AKT3: variants seen among roughly 807,000 people sequenced by gnomAD.
The protein encoded by AKT3 is AKT serine/threonine kinase 3, also known as RAC-gamma serine/threonine-protein kinase.
AKT3 carries 15 observed loss-of-function variants against 65.3 expected under a neutral mutation model. The ratio of observed to expected loss-of-function variants is 0.23; its 90% CI spans 0.15 to 0.35. AKT3 has a LOEUF of 0.35. Among genes scored for constraint, AKT3 ranks in the 10% least tolerant of loss-of-function variants. The pLI is 1.00. For missense variants in AKT3, 243 were observed against 576.5 expected, an observed-to-expected ratio of 0.42 and a Z score of 5.92; for synonymous variants, 206 against 183.8, an observed-to-expected ratio of 1.12 and a Z score of -0.98.
intron 4 of AKT3, among the ~76,000 whole-genome samples, chr1:243,649,505 T>C (rs1033673037): frequency 2.6e-5 from 4 of 152,072 alleles, no homozygotes; most frequent in Admixed American, 6.6e-5. Context: ...GGCGGTTTGC[T>C]GTGCCCATCA....
At position 243,509,992 on chromosome 1, in the gene AKT3, T is replaced by C. The variant is rs551880518; in HGVS notation, c.1354+2332A>G. Among the ~76,000 whole-genome samples the C allele has an allele frequency of 5.4e-4, 83 of 152,340 alleles. 2 individuals are homozygous for C. The Middle Eastern group carries it at 0.014, about 25-fold the overall frequency. ...ATGTCCCAAATTGGGATTTCACTTTTAGCTTTCTTAAGTAAAATATCTACT... is the reference window on the plus strand; with the variant it reads ...ATGTCCCAAATTGGGATTTCACTTTCAGCTTTCTTAAGTAAAATATCTACT... On this transcript the variant is annotated intron_variant, in intron 13 of 13. Transcript: ENST00000673466.
Position 243,696,930 on chromosome 1 carries a change from A to C in AKT3, c.47-1214T>G, listed in dbSNP as rs1008962964. Among the ~76,000 whole-genome samples, 22 of 152,046 alleles carry C rather than the reference A, an allele frequency of 1.4e-4. No individual in the cohort carries two copies. The South Asian group carries it at 4.3e-3, about 30-fold the overall frequency. ...CTCCTTACTGCTTACTGTAAAGTCC[A>C]GTCTCTTACCATAAAATGTAATCCA... On this transcript the variant is annotated intron_variant, in intron 2 of 13. Transcript: ENST00000673466.
Position 243,506,162 on chromosome 1 carries a change from G to A in AKT3, c.1355-828C>T, listed in dbSNP as rs148242970. On this transcript the variant is annotated intron_variant, in intron 13 of 13. Transcript: ENST00000673466. ...CGCTCCCACGCATCTGCTCTGGGCT[G>A]AGCACCCGTCAGGCCCAAGGACCGC... Among the ~76,000 whole-genome samples, 269 of 152,360 alleles carry A rather than the reference G, an allele frequency of 1.8e-3. 6 individuals carry two copies. The highest frequency in any genetic ancestry group is 1.9e-3 in the East Asian group (10 of 5,182).
intron 5 of AKT3, among the ~76,000 whole-genome samples, chr1:243,638,602 G>T (rs577418404): frequency 6.6e-6 from 1 of 152,106 alleles, no homozygotes; most frequent in East Asian, 1.9e-4. Context: ...ATATTAATAG[G>T]TTTTTGAAGA....
intron 8 of AKT3, among the ~76,000 whole-genome samples, chr1:243,598,212 T>C (rs1349531303): frequency 6.6e-6 from 1 of 152,124 alleles, no homozygotes; most frequent in African/African-American, 2.4e-5. Flanking sequence ...TCTCAAAAAA[T>C]TATAAGAAAA....
At chr1:243,809,364 A>G (rs1692971293) in intron 2 of AKT3, among the ~76,000 whole-genome samples, 1 of 152,234 alleles carries the variant, frequency 6.6e-6, no homozygotes, top group African/African-American at 2.4e-5. Flanking sequence ...AAAACAAAAA[A>G]AAGGCAAGGG....
chr1:243,523,340 C>T (rs1670849962), intron 12 of AKT3, among the ~76,000 whole-genome samples: 1 of 150,958 alleles, frequency 6.6e-6, no homozygotes, highest in South Asian at 2.1e-4. Flanking sequence ...TCCAAGGCTC[C>T]CCTTGCAGGT....
intron 2 of AKT3, among the ~76,000 whole-genome samples, chr1:243,806,192 T>C (rs1042996824): frequency 6.6e-6 from 1 of 152,230 alleles, no homozygotes; most frequent in African/African-American, 2.4e-5. Flanking sequence ...TATAGAACCA[T>C]GGCACTAAGT....
At chr1:243,558,892 T>C (rs1013058378) in intron 10 of AKT3, among the ~76,000 whole-genome samples, 1 of 152,086 alleles carries the variant, frequency 6.6e-6, no homozygotes, top group African/African-American at 2.4e-5. Context: ...CTTAACACTT[T>C]TAATTTTGTT....
At chr1:243,581,075 T>A (rs1349532771) in intron 8 of AKT3, among the ~76,000 whole-genome samples, 4 of 152,176 alleles carry the variant, frequency 2.6e-5, no homozygotes, top group Non-Finnish European at 4.4e-5. Context: ...CCCCTATCCC[T>A]GTGCAGAGAA....
At chr1:243,646,744 T>G (rs1680849177) in intron 4 of AKT3, among the ~76,000 whole-genome samples, 1 of 152,158 alleles carries the variant, frequency 6.6e-6, no homozygotes, top group Non-Finnish European at 1.5e-5. Context: ...ATTGACATCC[T>G]GAAGATTTCT....
intron 3 of AKT3, among the ~76,000 whole-genome samples, chr1:243,685,719 C>T (rs1684242981): frequency 6.6e-6 from 1 of 152,084 alleles, no homozygotes; most frequent in Non-Finnish European, 1.5e-5. Flanking sequence ...CCTCTCTCAC[C>T]ACTCCTATTC....
intron 1 of AKT3, among the ~76,000 whole-genome samples, chr1:243,846,839 T>C (rs1403928041): frequency 6.6e-6 from 1 of 152,226 alleles, no homozygotes; most frequent in Non-Finnish European, 1.5e-5. Context: ...AAGGTATTTT[T>C]AGAATGCCAC....
In AKT3 at chr1:243,500,356, T is replaced by G; in HGVS notation, c.*4893A>C. ...GCACTATGCATTACTCTTTCCATTC[T>G]GTTAAACAACGAAAACAGACAAAAA... On this transcript the variant is annotated 3_prime_UTR_variant, in exon 14 of 14. Coordinates refer to ENST00000673466, the MANE Select transcript of AKT3 (RefSeq NM_005465.7). 4.4e-6 allele frequency: 1 copy of G among 225,396 alleles called. No individual in the cohort carries two copies. The allele number at this position is 225,396 out of a possible 1,614,324, so 14.0% of individuals were successfully genotyped here. A position where few individuals can be genotyped will look rare whatever the true frequency, so the allele number is the denominator to read the frequency against.
At chr1:243,730,079 C>A (rs996722867) in intron 2 of AKT3, among the ~76,000 whole-genome samples, 4 of 152,228 alleles carry the variant, frequency 2.6e-5, no homozygotes, top group African/African-American at 9.6e-5. Flanking sequence ...CTCCTTCTAG[C>A]TGGAATCCAC....
At chr1:243,850,390 T>G (rs1365169552), upstream of AKT3, among the ~76,000 whole-genome samples, 1 of 150,450 alleles carries the variant, frequency 6.6e-6, no homozygotes, top group Non-Finnish European at 1.5e-5. Context: ...GGGAATCGGA[T>G]ATCGGCTACA....
intron 12 of AKT3, among the ~76,000 whole-genome samples, chr1:243,524,437 T>C (rs578156239): frequency 2.0e-5 from 3 of 152,264 alleles, no homozygotes; most frequent in Non-Finnish European, 4.4e-5. Context: ...CTAAAAGGCA[T>C]TGTCAAAAGG....
chr1:243,500,965 T>C lies in AKT3; in HGVS notation c.*4284A>G. 1 of 227,906 alleles carries C rather than the reference T, an allele frequency of 4.4e-6. No individual in the cohort carries two copies. Among genetic ancestry groups the C allele is most frequent in the Non-Finnish European group, 8.7e-6 (1 of 114,772 alleles). 14.1% of individuals were successfully genotyped at this position (227,906 alleles called of 1,614,324 possible). On this transcript the variant is annotated 3_prime_UTR_variant, in exon 14 of 14. Transcript: ENST00000673466. ...TTTTAGATATACTGTGAATAAATTA[T>C]ACAATATTCTAAAAATAGCACCTTT... is the stretch of plus-strand genomic sequence containing the variant.
intron 3 of AKT3, among the ~76,000 whole-genome samples, chr1:243,675,133 G>C (rs916583491): frequency 6.6e-6 from 1 of 152,156 alleles, no homozygotes; most frequent in African/African-American, 2.4e-5. Flanking sequence ...CTTCAAAGTA[G>C]CTTATCAGTG....
Sources: gnomAD v4.1 joint callset for allele counts (sites outside exome capture counted in the v4.1 genomes callset) on GRCh38, gnomAD v4.1.1 for gene constraint, MANE v1.5 for transcripts, NCBI Gene and HGNC (gene_info 2026-07-23, HGNC 2026-07-21) for gene names.